Variants in TBC1D12 observed in about 807,000 individuals in gnomAD.
TBC1D12 encodes the protein TBC1 domain family member 12.
Under a neutral mutation model 86.7 loss-of-function variants are expected in TBC1D12, and 56 were observed. The ratio of observed to expected loss-of-function variants is 0.65; its 90% CI spans 0.52 to 0.81. TBC1D12 has a LOEUF of 0.81. TBC1D12 is among the 30% of genes least tolerant of loss of function. The pLI is 0.00. For missense variants in TBC1D12, 1,023 were observed against 1,038.8 expected (o/e 0.98, Z 0.21); for synonymous variants, 421 against 411.7 (o/e 1.02, Z -0.27).
Position 94,533,440 on chromosome 10 carries a change from C to T in TBC1D12, c.*344C>T. 5.0e-6 allele frequency: 1 copy of T among 201,910 alleles called. No individual in the cohort carries two copies. The highest frequency in any genetic ancestry group is 9.2e-5 in the South Asian group (1 of 10,870). 12.5% of individuals were successfully genotyped at this position (201,910 alleles called of 1,614,324 possible). A position where few individuals can be genotyped will look rare whatever the true frequency, so the allele number is the denominator to read the frequency against. ...ATCTTTTCTTTTGTAACAGTTACCACAAAGATATTCTGGAGGCTAGAGTAG... is the reference window on the plus strand; with the variant it reads ...ATCTTTTCTTTTGTAACAGTTACCATAAAGATATTCTGGAGGCTAGAGTAG... On this transcript the variant is annotated 3_prime_UTR_variant, in exon 13 of 13. Transcript: ENST00000225235.
intron 2 of TBC1D12, among the ~76,000 whole-genome samples, chr10:94,469,789 T>A (rs74567139): frequency 0.012 from 1,848 of 152,258 alleles, 43 homozygotes; most frequent in African/African-American, 0.042. Flanking sequence ...TTTCTACTAC[T>A]GTATCCCCAA....
intron 1 of TBC1D12, among the ~76,000 whole-genome samples, chr10:94,433,129 C>T (rs1325389415): frequency 2.6e-5 from 4 of 151,850 alleles, no homozygotes; most frequent in South Asian, 2.1e-4. Flanking sequence ...CGCTTGAACC[C>T]GGGAGGTGGA....
intron 2 of TBC1D12, 104 bp from the exon 3 acceptor site, chr10:94,474,564 G>T: frequency 2.5e-6 from 2 of 795,800 alleles, no homozygotes; most frequent in Non-Finnish European, 3.9e-6. Context: ...TTTTTGAATT[G>T]TATGTATCCC....
At chr10:94,438,176 T>C (rs1204895613) in intron 1 of TBC1D12, among the ~76,000 whole-genome samples, 2 of 152,128 alleles carry the variant, frequency 1.3e-5, no homozygotes, top group Non-Finnish European at 2.9e-5. Context: ...CTGAGTATTA[T>C]AGTATGGTAA....
intron 1 of TBC1D12, among the ~76,000 whole-genome samples, chr10:94,423,044 G>A (rs1047372871): frequency 2.6e-5 from 4 of 152,188 alleles, no homozygotes; most frequent in Admixed American, 2.6e-4. Context: ...ATGCTGCAGT[G>A]AGCCATGATC....
At chr10:94,522,959 G>C (rs974456474) in intron 11 of TBC1D12, among the ~76,000 whole-genome samples, 1 of 148,898 alleles carries the variant, frequency 6.7e-6, no homozygotes, top group Non-Finnish European at 1.5e-5. Flanking sequence ...CAGGAGAATC[G>C]CTTGAACCCA....
At chr10:94,474,867 G>T in intron 3 of TBC1D12, 84 bp downstream of exon 3, 1 of 1,194,230 alleles carries the variant, frequency 8.4e-7, no homozygotes, top group Non-Finnish European at 1.2e-6. Flanking sequence ...AAGATAGCGA[G>T]AAAGATATTG....
intron 6 of TBC1D12, among the ~76,000 whole-genome samples, chr10:94,505,836 A>T (rs1472865558): frequency 6.6e-6 from 1 of 152,212 alleles, no homozygotes; most frequent in Admixed American, 6.6e-5. Context: ...CTAACGTGGA[A>T]CAACCTCTAA....
At chr10:94,495,937 A>T (rs564030814) in intron 4 of TBC1D12, among the ~76,000 whole-genome samples, 110 of 152,204 alleles carry the variant, frequency 7.2e-4, no homozygotes, top group African/African-American at 2.6e-3. Context: ...CTCTGTCTCT[A>T]CTAAAAATAC....
intron 3 of TBC1D12, among the ~76,000 whole-genome samples, chr10:94,480,535 A>G (rs1044535931): frequency 1.3e-5 from 2 of 151,978 alleles, no homozygotes; most frequent in African/African-American, 4.8e-5. Flanking sequence ...GCTGTTCATT[A>G]TGGTAATTCT....
chr10:94,489,688 T>G (rs982043624), intron 3 of TBC1D12, among the ~76,000 whole-genome samples: 2 of 152,216 alleles, frequency 1.3e-5, no homozygotes, highest in African/African-American at 4.8e-5. Flanking sequence ...GGGACTCTTC[T>G]TTTCACTTAG....
intron 9 of TBC1D12, among the ~76,000 whole-genome samples, chr10:94,517,102 G>A (rs535293205): frequency 1.6e-4 from 24 of 152,258 alleles, no homozygotes; most frequent in Non-Finnish European, 2.5e-4. Context: ...TTCAGGCTGC[G>A]TGCGGTGGCT....
chr10:94,478,734 A>T (rs2056032378), intron 3 of TBC1D12, among the ~76,000 whole-genome samples: 1 of 152,214 alleles, frequency 6.6e-6, no homozygotes, highest in Non-Finnish European at 1.5e-5. Context: ...TAGTCCTCAC[A>T]TCCAGATCCA....
chr10:94,447,346 A>G (rs1288818453), intron 2 of TBC1D12, among the ~76,000 whole-genome samples: 2 of 152,158 alleles, frequency 1.3e-5, no homozygotes, highest in African/African-American at 2.4e-5. Flanking sequence ...ACACACATCT[A>G]TATACAATTT....
intron 1 of TBC1D12, among the ~76,000 whole-genome samples, chr10:94,430,555 T>C (rs2055201481): frequency 6.6e-6 from 1 of 152,260 alleles, no homozygotes; most frequent in South Asian, 2.1e-4. Flanking sequence ...TGATAAGGTA[T>C]GGTAGGCAAA....
chr10:94,499,305 C>T (rs1338788846), intron 5 of TBC1D12, among the ~76,000 whole-genome samples: 3 of 152,112 alleles, frequency 2.0e-5, no homozygotes, highest in Non-Finnish European at 4.4e-5. Flanking sequence ...AACATCTCAC[C>T]TTTCTCCATT....
At chr10:94,511,363 G>T (rs1447943029) in intron 8 of TBC1D12, among the ~76,000 whole-genome samples, 1 of 152,050 alleles carries the variant, frequency 6.6e-6, no homozygotes, top group South Asian at 2.1e-4. Flanking sequence ...CTCCTAAAGT[G>T]CTGGGATTAT....
chr10:94,505,713 G>A (rs2056451201), intron 6 of TBC1D12, among the ~76,000 whole-genome samples: 1 of 152,010 alleles, frequency 6.6e-6, no homozygotes, highest in African/African-American at 2.4e-5. Context: ...TATCTACTCA[G>A]ATATTTGATA....
intron 1 of TBC1D12, among the ~76,000 whole-genome samples, chr10:94,407,676 A>G (rs975875391): frequency 7.1e-4 from 28 of 39,202 alleles, no homozygotes; most frequent in Admixed American, 3.5e-3. Flanking sequence ...ATTCCGTCTC[A>G]AAAAAAAAAA....
Sources: gnomAD v4.1 joint callset for allele counts (sites outside exome capture counted in the v4.1 genomes callset) on GRCh38, gnomAD v4.1.1 for gene constraint, MANE v1.5 for transcripts, NCBI Gene and HGNC (gene_info 2026-07-23, HGNC 2026-07-21) for gene names.